KCND2: variants seen among roughly 807,000 people sequenced by gnomAD.
KCND2 encodes the protein A-type voltage-gated potassium channel KCND2.
KCND2 carries 16 observed loss-of-function variants against 54.4 expected under a neutral mutation model. The observed-to-expected ratio is 0.29, with a 90% CI of 0.20 to 0.45. The LOEUF is 0.45. Among genes scored for constraint, KCND2 ranks in the 20% least tolerant of loss-of-function variants. KCND2 has a pLI of 1.00. For synonymous variants in KCND2, 317 were observed against 310.7 expected, an observed-to-expected ratio of 1.02 and a Z score of -0.21; for missense variants, 486 against 824.2, an observed-to-expected ratio of 0.59 and a Z score of 5.02.
intron 1 of KCND2, among the ~76,000 whole-genome samples, chr7:120,451,636 G>T (rs924258139): frequency 1.3e-5 from 2 of 152,134 alleles, no homozygotes; most frequent in Non-Finnish European, 2.9e-5. Context: ...GTGACGTAAG[G>T]TTTATAAATA....
intron 1 of KCND2, among the ~76,000 whole-genome samples, chr7:120,566,195 G>A (rs1792295065): frequency 6.6e-6 from 1 of 152,206 alleles, no homozygotes; most frequent in South Asian, 2.1e-4. Context: ...GTTGTTCATG[G>A]ATTGGGGAAT....
chr7:120,599,265 T>C (rs183077708), intron 1 of KCND2, among the ~76,000 whole-genome samples: 4 of 152,226 alleles, frequency 2.6e-5, no homozygotes, highest in Admixed American at 1.3e-4. Context: ...TCTCTAACCT[T>C]CTTCTTGTTC....
intron 1 of KCND2, among the ~76,000 whole-genome samples, chr7:120,350,331 T>A (rs1397670282): frequency 6.6e-6 from 1 of 152,046 alleles, no homozygotes; most frequent in Non-Finnish European, 1.5e-5. Flanking sequence ...AAAGTTAAGG[T>A]TTTCATAACA....
chr7:120,438,267 A>G (rs1382264882), intron 1 of KCND2, among the ~76,000 whole-genome samples: 1 of 152,196 alleles, frequency 6.6e-6, no homozygotes, highest in African/African-American at 2.4e-5. Context: ...AGAAAAATTT[A>G]ATCCAGGTAT....
intron 1 of KCND2, among the ~76,000 whole-genome samples, chr7:120,277,780 T>C (rs1799200291): frequency 6.6e-6 from 1 of 152,088 alleles, no homozygotes; most frequent in South Asian, 2.1e-4. Context: ...AGTGACAATT[T>C]TTTATTATGT....
chr7:120,481,459 A>G (rs1205582633), intron 1 of KCND2, among the ~76,000 whole-genome samples: 1 of 152,198 alleles, frequency 6.6e-6, no homozygotes, highest in East Asian at 1.9e-4. Flanking sequence ...ACTAGGTATT[A>G]TTGACCATTT....
chr7:120,488,035 C>A lies in KCND2; in HGVS notation c.1115+212288C>A, dbSNP rs528734914. On this transcript the variant is annotated intron_variant, in intron 1 of 5. Coordinates refer to ENST00000331113, the MANE Select transcript of KCND2 (RefSeq NM_012281.3). ...ATCTATACAAAAAAACAAAACAAAA[C>A]AAAAAAAAAACTGGTTTGGCATGGT... 8.0e-3 allele frequency among the ~76,000 whole-genome samples: 1,174 copies of A among 147,550 alleles called. 6 individuals are homozygous for A. Among genetic ancestry groups the A allele is most frequent in the Non-Finnish European group, 0.01 (684 of 66,398 alleles).
intron 1 of KCND2, among the ~76,000 whole-genome samples, chr7:120,597,636 C>G (rs1425583261): frequency 6.6e-6 from 1 of 152,144 alleles, no homozygotes; most frequent in Non-Finnish European, 1.5e-5. Flanking sequence ...CCTTAAAGAG[C>G]TCTACAATTC....
chr7:120,317,363 C>T (rs890964202), intron 1 of KCND2, among the ~76,000 whole-genome samples: 23 of 152,092 alleles, frequency 1.5e-4, no homozygotes, highest in African/African-American at 5.3e-4. Flanking sequence ...TTAACCTTTA[C>T]AATATTTCAA....
At chr7:120,649,297 T>C (rs1791694962) in intron 1 of KCND2, among the ~76,000 whole-genome samples, 1 of 151,020 alleles carries the variant, frequency 6.6e-6, no homozygotes, top group Admixed American at 6.6e-5. Context: ...TCCTGTGCCA[T>C]TTTTTTTTGT....
intron 1 of KCND2, among the ~76,000 whole-genome samples, chr7:120,653,251 A>G (rs1423113089): frequency 6.9e-6 from 1 of 145,012 alleles, no homozygotes; most frequent in African/African-American, 2.6e-5. Flanking sequence ...TCTCTATGTT[A>G]CCCAGCCTGG....
At chr7:120,322,233 C>G (rs1226223157) in intron 1 of KCND2, among the ~76,000 whole-genome samples, 1 of 151,932 alleles carries the variant, frequency 6.6e-6, no homozygotes, top group Non-Finnish European at 1.5e-5. Flanking sequence ...GTTCATAGCA[C>G]TTTTCTATGT....
intron 1 of KCND2, among the ~76,000 whole-genome samples, chr7:120,703,691 T>C (rs1792430817): frequency 6.6e-6 from 1 of 152,102 alleles, no homozygotes; most frequent in African/African-American, 2.4e-5. Flanking sequence ...TTATTAGAGG[T>C]ATGTGGCACC....
At chr7:120,278,304 G>A (rs1799208749) in intron 1 of KCND2, among the ~76,000 whole-genome samples, 1 of 151,884 alleles carries the variant, frequency 6.6e-6, no homozygotes. Flanking sequence ...TGTTTAGGCT[G>A]TAGTTCTATA....
intron 1 of KCND2, among the ~76,000 whole-genome samples, chr7:120,541,055 C>G (rs975469381): frequency 3.9e-5 from 6 of 152,072 alleles, no homozygotes; most frequent in African/African-American, 1.4e-4. Context: ...CCACCCTAGC[C>G]CATGCTCTAT....
rs1431326741 is a variant in KCND2, at chr7:120,679,031, T to C, written c.1116-53872T>C. Reference sequence around the variant, plus strand: ...TATACAGACAACATGATGAGGCAGTTACATTGCTTACATAAACAGTGAACT... The same window carrying C: ...TATACAGACAACATGATGAGGCAGTCACATTGCTTACATAAACAGTGAACT... On this transcript the variant is annotated intron_variant, in intron 1 of 5. Transcript: ENST00000331113. Among the ~76,000 whole-genome samples the C allele has an allele frequency of 2.6e-5, 4 of 151,710 alleles. 1 individual carries two copies. In the South Asian group the frequency reaches 6.2e-4, roughly 24 times the overall value.
At chr7:120,521,902 T>C (rs1350664534) in intron 1 of KCND2, among the ~76,000 whole-genome samples, 2 of 152,166 alleles carry the variant, frequency 1.3e-5, no homozygotes, top group African/African-American at 2.4e-5. Context: ...CTGGGAGTTG[T>C]GACATTTCTG....
At chr7:120,693,404 T>C (rs1376245840) in intron 1 of KCND2, among the ~76,000 whole-genome samples, 1 of 152,202 alleles carries the variant, frequency 6.6e-6, no homozygotes, top group Admixed American at 6.6e-5. Flanking sequence ...AGGACAGTGA[T>C]CGTTCTCCCT....
intron 1 of KCND2, among the ~76,000 whole-genome samples, chr7:120,474,459 T>C (rs1159723269): frequency 3.3e-5 from 5 of 151,960 alleles, no homozygotes; most frequent in African/African-American, 1.2e-4. Context: ...TGCCTTAGTC[T>C]CCAATGTAGC....
Sources: allele counts gnomAD v4.1 joint callset (sites outside exome capture counted in the v4.1 genomes callset), GRCh38; gene constraint gnomAD v4.1.1; transcripts MANE v1.5; gene names NCBI Gene and HGNC (gene_info 2026-07-23, HGNC 2026-07-21).